PCP4: variants seen among roughly 807,000 people sequenced by gnomAD.
PCP4 encodes the protein Purkinje cell protein 4, also known as calmodulin regulator protein PCP4.
In PCP4, 8 loss-of-function variants were observed where a neutral mutation model predicts 10.0. The ratio of observed to expected loss-of-function variants is 0.80; its 90% CI spans 0.47 to 1.45. The LOEUF is 1.45. Ranked by LOEUF, PCP4 falls within the 40% of genes most tolerant of loss-of-function variation. The pLI is 0.00. For missense variants in PCP4, 54 were observed against 74.4 expected, an observed-to-expected ratio of 0.73 and a Z score of 1.01; for synonymous variants, 21 against 23.0, an observed-to-expected ratio of 0.91 and a Z score of 0.24.
At chr21:39,923,431 A>T (rs1262725493) in intron 2 of PCP4, among the ~76,000 whole-genome samples, 2 of 152,210 alleles carry the variant, frequency 1.3e-5, no homozygotes, top group Non-Finnish European at 1.5e-5. Context: ...TGGAGAGCCC[A>T]CTATTTGTTG....
intron 1 of PCP4, among the ~76,000 whole-genome samples, chr21:39,877,035 T>C (rs1242766869): frequency 2.0e-5 from 3 of 152,256 alleles, no homozygotes; most frequent in Non-Finnish European, 4.4e-5. Flanking sequence ...TGTCCAACGA[T>C]GAATCTTGTG....
chr21:39,927,325 CT>C (rs540089807), intron 2 of PCP4, among the ~76,000 whole-genome samples: 13,257 of 74,720 alleles, frequency 0.18, 726 homozygotes, highest in Middle Eastern at 0.24. Context: ...TATCTATCAT[CT>C]ATCTATCTAT....
rs182460580 is a variant in PCP4, at chr21:39,887,010, T to C, written c.10-11466T>C. 2.6e-3 allele frequency among the ~76,000 whole-genome samples: 389 copies of C among 152,246 alleles called. 1 individual carries two copies. The highest frequency in any genetic ancestry group is 6.8e-3 in the Middle Eastern group (2 of 294). ...AAAACAGTGTTCTTCAGCATGAAAATTGGCACAAAGAAGAATTTTTTTAAA... is the reference window on the plus strand; with the variant it reads ...AAAACAGTGTTCTTCAGCATGAAAACTGGCACAAAGAAGAATTTTTTTAAA... On this transcript the variant is annotated intron_variant, in intron 1 of 2. Coordinates refer to ENST00000328619, the MANE Select transcript of PCP4 (RefSeq NM_006198.3).
intron 1 of PCP4, among the ~76,000 whole-genome samples, chr21:39,880,013 C>G (rs967599657): frequency 2.6e-5 from 4 of 152,164 alleles, no homozygotes; most frequent in Non-Finnish European, 5.9e-5. Flanking sequence ...AGAAGCATCC[C>G]AATTGCTTTT....
chr21:39,910,514 G>T (rs2087534470), intron 2 of PCP4, among the ~76,000 whole-genome samples: 1 of 152,124 alleles, frequency 6.6e-6, no homozygotes. Flanking sequence ...TTTGAAAATG[G>T]GCCAGGCCAT....
chr21:39,913,167 G>C (rs189942366), intron 2 of PCP4, among the ~76,000 whole-genome samples: 2 of 152,202 alleles, frequency 1.3e-5, no homozygotes, highest in East Asian at 3.9e-4. Flanking sequence ...AAGGTACAGA[G>C]CTTAAAATGA....
Position 39,906,366 on chromosome 21 carries a change from G to T in PCP4, c.61+7839G>T, listed in dbSNP as rs369245267. Among the ~76,000 whole-genome samples, 2 of 152,200 alleles carry T rather than the reference G, an allele frequency of 1.3e-5. No homozygotes were observed. Among genetic ancestry groups the T allele is most frequent in the South Asian group, 4.1e-4 (2 of 4,832 alleles). On this transcript the variant is annotated intron_variant, in intron 2 of 2. Transcript: ENST00000328619. The surrounding 1 kb of genome is among the most constrained non-coding windows in gnomAD (Gnocchi z 6.3). ...CAAACCAGAAACTATTGTATCCATA[G>T]TACCATTATCCCATCAGTTTAGTTA... is the stretch of plus-strand genomic sequence containing the variant.
chr21:39,905,923 G>A (rs1179471395), intron 2 of PCP4, among the ~76,000 whole-genome samples: 1 of 152,160 alleles, frequency 6.6e-6, no homozygotes, highest in Non-Finnish European at 1.5e-5. Flanking sequence ...GGTGGTGGCT[G>A]CCTGTAGTCC....
intron 2 of PCP4, among the ~76,000 whole-genome samples, chr21:39,913,320 C>T (rs1422897039): frequency 6.6e-6 from 1 of 152,152 alleles, no homozygotes. Flanking sequence ...GGGGCTGTGG[C>T]TGTGGATTAG....
Position 39,906,014 on chromosome 21 carries a change from C to A in PCP4, c.61+7487C>A, listed in dbSNP as rs377214936. 1.3e-5 allele frequency among the ~76,000 whole-genome samples: 2 copies of A among 152,218 alleles called. No homozygotes were observed. On this transcript the variant is annotated intron_variant, in intron 2 of 2. Transcript: ENST00000328619. This position sits in a 1 kb window ranked among gnomAD's most constrained non-coding sequence, Gnocchi z 6.3. ...GCAGTGAGCCGAGACCATGCCACTGCACTCCAACCTGGGTGACAGAGCGAG... is the reference window on the plus strand; with the variant it reads ...GCAGTGAGCCGAGACCATGCCACTGAACTCCAACCTGGGTGACAGAGCGAG...
rs1444945387 is a variant in PCP4 at position 39,906,192 on chromosome 21, G to A, written c.61+7665G>A. 6.6e-6 allele frequency among the ~76,000 whole-genome samples: 1 copy of A among 152,182 alleles called. No homozygotes were observed. Among genetic ancestry groups the A allele is most frequent in the Non-Finnish European group, 1.5e-5 (1 of 68,026 alleles). The stretch of plus-strand genomic sequence containing the variant: ...AAGAGGAGGAAAGTTTTGGTCATCT[G>A]ACCCACAGTCCAAACACACCAGGTT... On this transcript the variant is annotated intron_variant, in intron 2 of 2. Coordinates refer to ENST00000328619, the MANE Select transcript of PCP4 (RefSeq NM_006198.3). The surrounding 1 kb of genome is among the most constrained non-coding windows in gnomAD (Gnocchi z 6.3).
chr21:39,886,130 C>T (rs1272607145), intron 1 of PCP4, among the ~76,000 whole-genome samples: 1 of 152,192 alleles, frequency 6.6e-6, no homozygotes, highest in East Asian at 1.9e-4. Context: ...AAGATGTTAT[C>T]TTCCAATAGG....
At chr21:39,917,143 T>C (rs913927675) in intron 2 of PCP4, among the ~76,000 whole-genome samples, 2 of 152,190 alleles carry the variant, frequency 1.3e-5, no homozygotes, top group Non-Finnish European at 1.5e-5. Flanking sequence ...GCCTAGATGG[T>C]GTCCAGCCAG....
intron 2 of PCP4, among the ~76,000 whole-genome samples, chr21:39,901,833 A>T (rs1449466917): frequency 6.6e-6 from 1 of 152,214 alleles, no homozygotes; most frequent in Non-Finnish European, 1.5e-5. Flanking sequence ...TTTGTACGTG[A>T]TACTTTATTA....
chr21:39,917,586 A>C (rs1262191152), intron 2 of PCP4, among the ~76,000 whole-genome samples: 1 of 152,182 alleles, frequency 6.6e-6, no homozygotes, highest in Non-Finnish European at 1.5e-5. Flanking sequence ...GTGTCCCTGC[A>C]CATGCTCTCC....
At chr21:39,921,033 G>T (rs1200617745) in intron 2 of PCP4, among the ~76,000 whole-genome samples, 2 of 152,192 alleles carry the variant, frequency 1.3e-5, no homozygotes, top group African/African-American at 4.8e-5. Context: ...TTGTTTTCCT[G>T]GGGAGGGAGG....
At chr21:39,922,210 C>T (rs1163428057) in intron 2 of PCP4, among the ~76,000 whole-genome samples, 1 of 151,960 alleles carries the variant, frequency 6.6e-6, no homozygotes, top group Non-Finnish European at 1.5e-5. Context: ...TAGTTCCTAA[C>T]CTTTATATTT....
chr21:39,907,686 A>G (rs1405843358), intron 2 of PCP4, among the ~76,000 whole-genome samples: 1 of 152,062 alleles, frequency 6.6e-6, no homozygotes, highest in Non-Finnish European at 1.5e-5. Flanking sequence ...AATCCCAGTT[A>G]CTTGGGAGGC....
intron 2 of PCP4, among the ~76,000 whole-genome samples, chr21:39,912,470 G>A (rs981025717): frequency 1.3e-5 from 2 of 151,988 alleles, no homozygotes; most frequent in African/African-American, 2.4e-5. Flanking sequence ...GGGATGCTCC[G>A]ATGGCACCCA....
Sources: gnomAD v4.1 joint callset for allele counts (sites outside exome capture counted in the v4.1 genomes callset) on GRCh38, gnomAD v4.1.1 for gene constraint, Gnocchi (gnomAD v3.1) non-coding constraint, MANE v1.5 for transcripts, NCBI Gene and HGNC (gene_info 2026-07-23, HGNC 2026-07-21) for gene names.